Variants in TNRC6A observed in about 807,000 individuals in gnomAD.
TNRC6A encodes trinucleotide repeat containing adaptor 6A.
A neutral mutation model predicts 221.2 loss-of-function variants in TNRC6A; 44 were observed. That is an observed-to-expected ratio of 0.20 (90% confidence interval 0.16 to 0.26). TNRC6A has a LOEUF of 0.26. TNRC6A is among the 10% of genes least tolerant of loss of function. The probability of loss-of-function intolerance (pLI) is 1.00; values close to 1 mark genes in which losing one functional copy is unlikely to be tolerated. For synonymous variants in TNRC6A, 847 were observed against 838.5 expected (o/e 1.01, Z -0.18); for missense variants, 2,199 against 2,404.4 (o/e 0.91, Z 1.79).
intron 2 of TNRC6A, among the ~76,000 whole-genome samples, chr16:24,712,464 G>T (rs2056223107): frequency 6.6e-6 from 1 of 152,106 alleles, no homozygotes; most frequent in Admixed American, 6.6e-5. Context: ...TGCTGTTATT[G>T]TCTTACATTT....
intron 1 of TNRC6A, among the ~76,000 whole-genome samples, chr16:24,637,769 C>A (rs1000482158): frequency 6.6e-6 from 1 of 151,992 alleles, no homozygotes; most frequent in African/African-American, 2.4e-5. Context: ...CCATATGATG[C>A]CATTTTTTAA....
At chr16:24,769,038 AAAG>A (rs1186858600) in intron 4 of TNRC6A, among the ~76,000 whole-genome samples, 1 of 152,254 alleles carries the variant, frequency 6.6e-6, no homozygotes, top group Non-Finnish European at 1.5e-5. Flanking sequence ...TTAAACATTT[AAAG>A]AAGTATTAAT....
At chr16:24,778,762 A>G (rs926691810) in intron 5 of TNRC6A, among the ~76,000 whole-genome samples, 1 of 152,194 alleles carries the variant, frequency 6.6e-6, no homozygotes, top group Non-Finnish European at 1.5e-5. Context: ...GTACTCTTCA[A>G]GAAGAGTTTG....
chr16:24,734,532 A>C (rs992769144), intron 2 of TNRC6A, among the ~76,000 whole-genome samples: 1 of 152,236 alleles, frequency 6.6e-6, no homozygotes, highest in African/African-American at 2.4e-5. Context: ...GAGATCAGCC[A>C]GCATTCTGAC....
At chr16:24,820,556 C>A (rs2058747909) in intron 22 of TNRC6A, among the ~76,000 whole-genome samples, 196 bp downstream of exon 22, 1 of 152,194 alleles carries the variant, frequency 6.6e-6, no homozygotes, top group Non-Finnish European at 1.5e-5. Flanking sequence ...TTAGGAAGCT[C>A]CATTGTCTCA....
chr16:24,667,981 C>T (rs1293028971), intron 2 of TNRC6A, among the ~76,000 whole-genome samples: 1 of 152,130 alleles, frequency 6.6e-6, no homozygotes, highest in African/African-American at 2.4e-5. Flanking sequence ...GCTAGGATTG[C>T]ACCACTGCAC....
intron 2 of TNRC6A, among the ~76,000 whole-genome samples, chr16:24,643,720 C>T (rs1311641055): frequency 4.6e-5 from 7 of 152,116 alleles, no homozygotes; most frequent in African/African-American, 7.2e-5. Context: ...CCCTCCCCGC[C>T]GCCCCATTAG....
chr16:24,664,769 TCACACACACACACACACACACACACACA>T (rs149786252), intron 2 of TNRC6A: 19 of 301,510 alleles, frequency 6.3e-5, no homozygotes, highest in South Asian at 2.6e-4. Context: ...AATCCCCAAA[TCACACACACACACACACACACACACACA>T]CACACACACA....
Position 24,750,781 on chromosome 16 carries a change from G to C in TNRC6A, c.109G>C (p.Asp37His). 6.4e-7 allele frequency: 1 copy of C among 1,565,540 alleles called. No homozygotes were observed. Among genetic ancestry groups the C allele is most frequent in the Non-Finnish European group, 8.6e-7 (1 of 1,158,434 alleles). Reference protein sequence around the residue: ...LMEEKKKKKDDKKKKEAAQKK... With the variant: ...LMEEKKKKKDHKKKKEAAQKK... ...GGAAGAAAAGAAAAAGAAAAAAGAC[G>C]ACAAGAAAAAGAAGGAAGCTGCTCA... The change falls in exon 3 of 25, where the codon GAC becomes CAC. Residue 37 changes from aspartate (D) to histidine (H), a missense_variant. Asp to His is a moderately conservative substitution (Grantham distance 81). Coordinates refer to ENST00000395799, the MANE Select transcript of TNRC6A (RefSeq NM_014494.4).
chr16:24,663,143 CG>C (rs916838565), intron 2 of TNRC6A: 2 of 153,708 alleles, frequency 1.3e-5, no homozygotes, highest in African/African-American at 4.8e-5. Context: ...GAAGATGTGT[CG>C]GGGAGTCCCC....
At chr16:24,796,981 G>A (rs1555507176) in intron 9 of TNRC6A, among the ~76,000 whole-genome samples, 1 of 152,142 alleles carries the variant, frequency 6.6e-6, no homozygotes, top group Non-Finnish European at 1.5e-5. Context: ...TGTGTTCTTG[G>A]CAACACAAAT....
intron 1 of TNRC6A, among the ~76,000 whole-genome samples, chr16:24,623,083 T>C (rs910414928): frequency 6.6e-6 from 1 of 152,212 alleles, no homozygotes; most frequent in African/African-American, 2.4e-5. Context: ...CAAAGAAAAT[T>C]TGGTGCATCA....
chr16:24,807,150 C>T (rs778790703), intron 17 of TNRC6A, among the ~76,000 whole-genome samples: 8 of 152,050 alleles, frequency 5.3e-5, no homozygotes, highest in Non-Finnish European at 1.0e-4. Context: ...GGATTACAGG[C>T]GCGCACCACC....
upstream of TNRC6A, among the ~76,000 whole-genome samples, chr16:24,724,826 A>T (rs925991848): frequency 1.3e-5 from 2 of 152,224 alleles, no homozygotes; most frequent in Non-Finnish European, 2.9e-5. Context: ...AAAAAATTTT[A>T]AAATTTAAAA....
chr16:24,789,027 G>T (rs892815904), intron 5 of TNRC6A, among the ~76,000 whole-genome samples: 2 of 152,184 alleles, frequency 1.3e-5, no homozygotes, highest in African/African-American at 4.8e-5. Flanking sequence ...TGTCCTCTAG[G>T]ATCTTAGGAT....
chr16:24,739,030 A>G (rs780257784), intron 2 of TNRC6A, among the ~76,000 whole-genome samples: 7 of 151,912 alleles, frequency 4.6e-5, no homozygotes, highest in Non-Finnish European at 7.4e-5. Context: ...AATTTTTTCT[A>G]TATTTTGTAG....
chr16:24,729,684 TCGGCGGCGGCGGCGGCGGCGG>T lies in TNRC6A; in HGVS notation c.-144_-124del, dbSNP rs57831728. The T allele has an allele frequency of 2.4e-4, 153 of 630,170 alleles. 2 individuals carry two copies. The highest frequency in any genetic ancestry group is 5.1e-4 in the Middle Eastern group (1 of 1,960). The allele number at this position is 630,170 out of a possible 1,614,324, so 39.0% of individuals were successfully genotyped here. A position where few individuals can be genotyped will look rare whatever the true frequency, so the allele number is the denominator to read the frequency against. ...TCTGGGGCCTGCGGCGGCGGCGGTG[TCGGCGGCGGCGGCGGCGGCGG>T]CGGCGGCGGCGGCAGCGGGTCGGTG... On this transcript the variant is annotated 5_prime_UTR_variant, in exon 1 of 25. Transcript: ENST00000395799.
intron 18 of TNRC6A, among the ~76,000 whole-genome samples, chr16:24,812,353 G>A (rs776126414): frequency 2.0e-5 from 3 of 152,012 alleles, no homozygotes; most frequent in East Asian, 1.9e-4. Flanking sequence ...GGCCCAGCCC[G>A]GAATTTTTCT....
At chr16:24,638,862 T>A (rs1410561662) in intron 1 of TNRC6A, among the ~76,000 whole-genome samples, 4 of 152,236 alleles carry the variant, frequency 2.6e-5, no homozygotes, top group Admixed American at 1.3e-4. Flanking sequence ...AAAAAATCAT[T>A]TCTGTCTCCC....
Sources: gnomAD v4.1 joint callset for allele counts (sites outside exome capture counted in the v4.1 genomes callset) on GRCh38, gnomAD v4.1.1 for gene constraint, MANE v1.5 for transcripts, NCBI Gene and HGNC (gene_info 2026-07-23, HGNC 2026-07-21) for gene names.